Variants in ADAT1 observed in about 807,000 individuals in gnomAD.
ADAT1 encodes adenosine deaminase tRNA specific 1.
In ADAT1, 58 loss-of-function variants were observed where a neutral mutation model predicts 58.6. The observed-to-expected ratio is 0.99, with a 90% confidence interval of 0.80 to 1.23. The LOEUF (loss-of-function observed/expected upper bound fraction) is 1.23. ADAT1 is among the 50% of genes most tolerant of loss of function. ADAT1 has a pLI of 0.00. For missense variants in ADAT1, 741 were observed against 608.6 expected, an observed-to-expected ratio of 1.22 and a Z score of -2.29; for synonymous variants, 254 against 220.8, an observed-to-expected ratio of 1.15 and a Z score of -1.33.
intron 4 of ADAT1, among the ~76,000 whole-genome samples, chr16:75,618,235 G>A (rs747356080): frequency 4.0e-5 from 6 of 151,820 alleles, no homozygotes; most frequent in Non-Finnish European, 5.9e-5. Context: ...GGTGAGGCGC[G>A]GTGGCTCACA....
intron 3 of ADAT1, chr16:75,619,650 C>G: frequency 2.2e-6 from 1 of 455,612 alleles, no homozygotes; most frequent in South Asian, 1.5e-5. Flanking sequence ...GTGGCTCACA[C>G]CTTTAATCCC....
intron 6 of ADAT1, among the ~76,000 whole-genome samples, chr16:75,610,681 G>C (rs1052014555): frequency 6.6e-6 from 1 of 152,180 alleles, no homozygotes; most frequent in Non-Finnish European, 1.5e-5. Context: ...CTTCACATTT[G>C]ATATGGGCCT....
chr16:75,615,528 A>G (rs1389151731), intron 5 of ADAT1, among the ~76,000 whole-genome samples: 2 of 150,618 alleles, frequency 1.3e-5, no homozygotes, highest in South Asian at 2.1e-4. Context: ...CGCAAGAAAA[A>G]TCTCATAATG....
At position 75,612,549 on chromosome 16, in the gene ADAT1, A is replaced by T; in HGVS notation, c.737T>A (p.Ile246Lys). 1 of 1,614,140 alleles carries T rather than the reference A, an allele frequency of 6.2e-7. No homozygotes were observed. The highest frequency in any genetic ancestry group is 8.5e-7 in the Non-Finnish European group (1 of 1,180,032). Reference sequence around the variant, plus strand: ...TATCACTTTGGCACTACCAGGGGCTATTCTGGTGACAGTAGCCAGTCCCTC... The same window carrying T: ...TATCACTTTGGCACTACCAGGGGCTTTTCTGGTGACAGTAGCCAGTCCCTC... ...TVEGLATVTR[I>K]APGSAKVIDV... Residue 246 changes from isoleucine to lysine, a missense_variant, in exon 6 of 10, where the codon ATA (isoleucine) becomes AAA (lysine). Ile to Lys is a moderately radical substitution (Grantham distance 102). Transcript: ENST00000564657.
At chr16:75,613,280 G>C (rs2081606070) in intron 5 of ADAT1, among the ~76,000 whole-genome samples, 1 of 152,198 alleles carries the variant, frequency 6.6e-6, no homozygotes, top group Non-Finnish European at 1.5e-5. Flanking sequence ...AATGGGTTTA[G>C]ACCAGGGTTT....
At chr16:75,617,336 GTTGGGTGAT>G (rs1273400373) in intron 4 of ADAT1, 64 bp from the exon 5 acceptor site, 8 of 1,566,684 alleles carry the variant, frequency 5.1e-6, no homozygotes, top group Non-Finnish European at 7.0e-6. Flanking sequence ...AAAGCCTCTG[GTTGGGTGAT>G]TACTAAGACA....
chr16:75,604,902 C>A (rs557735300), intron 8 of ADAT1, among the ~76,000 whole-genome samples: 48 of 152,282 alleles, frequency 3.2e-4, no homozygotes, highest in Non-Finnish European at 6.3e-4. Flanking sequence ...TTGGACAACA[C>A]AGGTTTGAAC....
chr16:75,617,155 G>T lies in ADAT1; in HGVS notation c.411C>A (p.Ser137=). 6.2e-7 allele frequency: 1 copy of T among 1,613,300 alleles called. No individual in the cohort carries two copies. Among genetic ancestry groups the T allele is most frequent in the Non-Finnish European group, 8.5e-7 (1 of 1,179,380 alleles). Residue 137 remains serine (S), a synonymous_variant, in exon 5 of 10, where the codon TCC becomes TCA. Transcript: ENST00000564657. ...LRRDLIFVFF[S]SHTPCGDASI... The stretch of plus-strand genomic sequence containing the variant: ...GAATATACTTACAGGGTGTATGGCT[G>T]GAGAAAAACACAAAAATGAGGTCTC...
rs1038782581 is a variant in ADAT1, at chr16:75,623,005, C to G, written c.-624G>C. 1 of 152,310 alleles carries G rather than the reference C, an allele frequency of 6.6e-6. No individual in the cohort carries two copies. Among genetic ancestry groups the G allele is most frequent in the Non-Finnish European group, 1.5e-5 (1 of 68,084 alleles). 9.4% of individuals were successfully genotyped at this position (152,310 alleles called of 1,614,324 possible). A position where few individuals can be genotyped will look rare whatever the true frequency, so the allele number is the denominator to read the frequency against. On this transcript the variant is annotated 5_prime_UTR_variant, in exon 1 of 10. Coordinates refer to ENST00000564657, the MANE Select transcript of ADAT1 (RefSeq NM_001324445.2). ...AGGCACTGAAGCCATGCAGTGAGAA[C>G]AGCGTGAGCGCCTGATCCATTGGGT...
At chr16:75,604,016 C>A (rs2151746373) in intron 8 of ADAT1, among the ~76,000 whole-genome samples, 1 of 152,304 alleles carries the variant, frequency 6.6e-6, no homozygotes, top group African/African-American at 2.4e-5. Flanking sequence ...CACTCAGACA[C>A]TGCTCTCCCA....
intron 9 of ADAT1, chr16:75,602,043 G>C (rs1428829289): frequency 6.6e-6 from 1 of 152,114 alleles, no homozygotes; most frequent in East Asian, 1.9e-4. Context: ...GTTTAACCAG[G>C]TGACTCATGG....
chr16:75,610,547 A>T (rs57396453), intron 6 of ADAT1, among the ~76,000 whole-genome samples: 37,182 of 152,074 alleles, frequency 0.24, 6,549 homozygotes, highest in East Asian at 0.74. Flanking sequence ...TCTGCGTGAC[A>T]TGGCCTCCCA....
chr16:75,610,841 G>A (rs1287197827), intron 6 of ADAT1, among the ~76,000 whole-genome samples: 1 of 152,130 alleles, frequency 6.6e-6, no homozygotes, highest in African/African-American at 2.4e-5. Flanking sequence ...GCTGGGTGAG[G>A]TGGCTCACAC....
Position 75,608,218 on chromosome 16 carries a change from C to T in ADAT1, c.1289+6G>A. 1.2e-6 allele frequency: 2 copies of T among 1,613,110 alleles called. No individual in the cohort carries two copies. The highest frequency in any genetic ancestry group is 1.7e-6 in the Non-Finnish European group (2 of 1,179,210). Reference sequence around the variant, plus strand: ...CACCATCTCCTCCTGCCCCAATATGCTGTACCTTGCCTGAAGGCTTCCAAT... The same window carrying T: ...CACCATCTCCTCCTGCCCCAATATGTTGTACCTTGCCTGAAGGCTTCCAAT... On this transcript the variant is annotated splice_donor_region_variant and intron_variant, in intron 8 of 9. Coordinates refer to ENST00000564657, the MANE Select transcript of ADAT1 (RefSeq NM_001324445.2).
chr16:75,608,320 A>T lies in ADAT1; in HGVS notation c.1193T>A (p.Ile398Asn). The change falls in exon 8 of 10, where the codon ATC becomes AAC. Residue 398 changes from isoleucine to asparagine, a missense_variant. Ile to Asn is a moderately radical substitution (Grantham distance 149). Transcript: ENST00000564657. Reference sequence around the variant, plus strand: ...CTGCTCAGGAACTGCACTCCAGCTGATGGCTATGAAAAGATAAGATTCTAG... The same window carrying T: ...CTGCTCAGGAACTGCACTCCAGCTGTTGGCTATGAAAAGATAAGATTCTAG... The part of the protein sequence containing the change: ...PGRLVPCGAA[I>N]SWSAVPEQPL... 6.2e-7 allele frequency: 1 copy of T among 1,613,202 alleles called. No individual in the cohort carries two copies. Among genetic ancestry groups the T allele is most frequent in the Non-Finnish European group, 8.5e-7 (1 of 1,179,262 alleles).
intron 2 of ADAT1, 77 bp from the exon 3 acceptor site, chr16:75,620,411 A>G (rs1485849464): frequency 2.0e-6 from 3 of 1,528,604 alleles, no homozygotes; most frequent in Non-Finnish European, 2.7e-6. Flanking sequence ...CAGCCTGCAC[A>G]CTCCTCTAGG....
At chr16:75,602,798 CA>C (rs1289884034) in intron 9 of ADAT1, among the ~76,000 whole-genome samples, 1 of 152,182 alleles carries the variant, frequency 6.6e-6, no homozygotes, top group Non-Finnish European at 1.5e-5. Context: ...CCCATTTCCA[CA>C]GTGATCTCCA....
At chr16:75,618,468 T>C in intron 4 of ADAT1, 118 bp downstream of exon 4, 1 of 580,032 alleles carries the variant, frequency 1.7e-6, no homozygotes, top group Non-Finnish European at 2.8e-6. Context: ...ATCATGCCAC[T>C]GCACTCCAGC....
At chr16:75,600,381 C>A (rs1321343609) in intron 9 of ADAT1, 33 bp from the exon 10 acceptor site, 1 of 1,609,954 alleles carries the variant, frequency 6.2e-7, no homozygotes, top group Admixed American at 1.7e-5. Flanking sequence ...TACACAGGTT[C>A]TCATTGAATA....
Sources: gnomAD v4.1 joint callset for allele counts (sites outside exome capture counted in the v4.1 genomes callset) on GRCh38, gnomAD v4.1.1 for gene constraint, MANE v1.5 for transcripts, NCBI Gene and HGNC (gene_info 2026-07-23, HGNC 2026-07-21) for gene names.